Variants in HDAC9 observed in about 807,000 individuals in gnomAD.
The protein encoded by HDAC9 is histone deacetylase 9.
A neutral mutation model predicts 139.4 loss-of-function variants in HDAC9; 41 were observed. The ratio of observed to expected loss-of-function variants is 0.29; its 90% CI spans 0.23 to 0.38. The LOEUF (loss-of-function observed/expected upper bound fraction) is 0.38, where lower values mean the gene tolerates loss of function less well. HDAC9 is among the 10% of genes least tolerant of loss of function. HDAC9 has a pLI of 1.00. For synonymous variants in HDAC9, 517 were observed against 476.2 expected (o/e 1.09, Z -1.12); for missense variants, 1,147 against 1,297.0 (o/e 0.88, Z 1.78).
chr7:18,474,386 G>A (rs962117302), intron 1 of HDAC9, among the ~76,000 whole-genome samples: 1 of 152,138 alleles, frequency 6.6e-6, no homozygotes, highest in Non-Finnish European at 1.5e-5. Context: ...CTGCCCCTGT[G>A]GCATGTGTTT....
chr7:18,233,591 A>G (rs987155253), intron 2 of HDAC9, among the ~76,000 whole-genome samples: 1 of 152,194 alleles, frequency 6.6e-6, no homozygotes, highest in Non-Finnish European at 1.5e-5. Flanking sequence ...CAGCTAATTT[A>G]TAAAACAAGT....
At chr7:18,902,819 A>T (rs1386311238) in intron 22 of HDAC9, among the ~76,000 whole-genome samples, 1 of 152,248 alleles carries the variant, frequency 6.6e-6, no homozygotes, top group Admixed American at 6.5e-5. Flanking sequence ...CACACTATTT[A>T]TAAGTGAAAT....
intron 23 of HDAC9, among the ~76,000 whole-genome samples, chr7:18,937,282 C>T (rs1781711048): frequency 1.3e-5 from 2 of 151,998 alleles, no homozygotes; most frequent in South Asian, 4.1e-4. Context: ...TCGTGATCTG[C>T]CCGCCTCGGC....
intron 2 of HDAC9, among the ~76,000 whole-genome samples, chr7:18,188,206 C>G (rs1378331624): frequency 6.6e-6 from 1 of 152,138 alleles, no homozygotes; most frequent in African/African-American, 2.4e-5. Context: ...ACATCTACAA[C>G]CATCTGATCT....
chr7:18,247,919 TG>T (rs989842411), intron 2 of HDAC9, among the ~76,000 whole-genome samples: 22 of 152,338 alleles, frequency 1.4e-4, no homozygotes, highest in Admixed American at 5.2e-4. Context: ...GTCTTATTTA[TG>T]TACTTTTTAT....
intron 16 of HDAC9, among the ~76,000 whole-genome samples, chr7:18,776,486 G>T (rs1336953952): frequency 6.6e-6 from 1 of 152,044 alleles, no homozygotes; most frequent in Non-Finnish European, 1.5e-5. Context: ...GCCTGGAACT[G>T]CAAATACAGT....
chr7:18,595,148 T>C (rs1043189319), intron 6 of HDAC9, among the ~76,000 whole-genome samples: 4 of 152,196 alleles, frequency 2.6e-5, no homozygotes, highest in African/African-American at 9.6e-5. Flanking sequence ...ATCTAGCATA[T>C]ATTGAAGGCA....
rs545670830 is a variant in HDAC9 at position 18,956,743 on chromosome 7, A to T, written c.3022+2513A>T. 2.1e-3 allele frequency among the ~76,000 whole-genome samples: 314 copies of T among 151,942 alleles called. 2 individuals carry two copies. Among genetic ancestry groups the T allele is most frequent in the Middle Eastern group, 6.9e-3 (2 of 288 alleles). Reference sequence around the variant, plus strand: ...TTCAACTTAGCTCCAACTCCAGGGGAGCTGTTTTTAGTCTAAGGCAGTCAA... The same window carrying T: ...TTCAACTTAGCTCCAACTCCAGGGGTGCTGTTTTTAGTCTAAGGCAGTCAA... On this transcript the variant is annotated intron_variant, in intron 24 of 25. Transcript: ENST00000686413.
chr7:18,207,170 T>C (rs1446353855), intron 2 of HDAC9, among the ~76,000 whole-genome samples: 1 of 152,118 alleles, frequency 6.6e-6, no homozygotes, highest in Non-Finnish European at 1.5e-5. Flanking sequence ...ACTCCTGAAC[T>C]CAAAGCAATC....
intron 2 of HDAC9, among the ~76,000 whole-genome samples, chr7:18,238,999 C>T (rs1027007196): frequency 1.3e-5 from 2 of 152,112 alleles, no homozygotes; most frequent in African/African-American, 4.8e-5. Flanking sequence ...TAACTCTGGG[C>T]ATAATCTTTT....
intron 8 of HDAC9, among the ~76,000 whole-genome samples, chr7:18,637,334 C>A (rs188926346): frequency 7.2e-4 from 109 of 152,056 alleles, no homozygotes; most frequent in African/African-American, 2.6e-3. Flanking sequence ...TTGGAACAAC[C>A]AGTAAGTATA....
chr7:18,260,338 G>A (rs986465695), intron 2 of HDAC9, among the ~76,000 whole-genome samples: 7 of 51,402 alleles, frequency 1.4e-4, no homozygotes, highest in Middle Eastern at 0.017. Flanking sequence ...TTTTTTTTTT[G>A]AGATGGAGTG....
chr7:18,956,146 G>A (rs553515483), intron 24 of HDAC9, among the ~76,000 whole-genome samples: 2 of 152,096 alleles, frequency 1.3e-5, no homozygotes, highest in South Asian at 2.1e-4. Flanking sequence ...ACTAAGGATT[G>A]TCAATTCCAC....
chr7:18,764,987 A>G (rs570589869), intron 15 of HDAC9, among the ~76,000 whole-genome samples: 1 of 152,312 alleles, frequency 6.6e-6, no homozygotes, highest in South Asian at 2.1e-4. Flanking sequence ...CTGTAAGGTT[A>G]CATGGAGAAG....
chr7:18,549,153 G>A (rs1162813189), intron 2 of HDAC9, among the ~76,000 whole-genome samples: 4 of 152,124 alleles, frequency 2.6e-5, no homozygotes, highest in South Asian at 2.1e-4. Flanking sequence ...CAGGAGAATC[G>A]CTTGGACCTG....
chr7:18,576,919 G>A (rs1251345097), intron 2 of HDAC9, among the ~76,000 whole-genome samples: 2 of 152,098 alleles, frequency 1.3e-5, no homozygotes, highest in African/African-American at 4.8e-5. Flanking sequence ...CCCTAGGAAT[G>A]GAAGGGATCT....
chr7:18,258,996 G>A (rs1476426242), intron 2 of HDAC9, among the ~76,000 whole-genome samples: 1 of 120,010 alleles, frequency 8.3e-6, no homozygotes, highest in African/African-American at 3.2e-5. Flanking sequence ...TTTAAACAGG[G>A]TCTCACTCTG....
intron 2 of HDAC9, among the ~76,000 whole-genome samples, chr7:18,551,464 A>G (rs1454123964): frequency 6.6e-6 from 1 of 152,212 alleles, no homozygotes; most frequent in Non-Finnish European, 1.5e-5. Flanking sequence ...AACCAGAGTT[A>G]AGAAGTCAGG....
chr7:18,225,403 A>G (rs1219055137), intron 2 of HDAC9, among the ~76,000 whole-genome samples: 10 of 152,196 alleles, frequency 6.6e-5, no homozygotes, highest in Non-Finnish European at 1.5e-4. Flanking sequence ...GTCCTGTACA[A>G]CTGAGATTTT....
Sources: allele counts gnomAD v4.1 joint callset (sites outside exome capture counted in the v4.1 genomes callset), GRCh38; gene constraint gnomAD v4.1.1; transcripts MANE v1.5; gene names NCBI Gene and HGNC (gene_info 2026-07-23, HGNC 2026-07-21).